GRIA4: variants seen among roughly 807,000 people sequenced by gnomAD.
GRIA4 encodes glutamate receptor 4.
A neutral mutation model predicts 104.0 loss-of-function variants in GRIA4; 34 were observed. That is an observed-to-expected ratio of 0.33 (90% CI 0.25 to 0.44). The LOEUF (loss-of-function observed/expected upper bound fraction) is 0.44, where lower values mean the gene tolerates loss of function less well. GRIA4 is among the 20% of genes least tolerant of loss of function. GRIA4 has a pLI of 1.00. For missense variants in GRIA4, 750 were observed against 1,096.5 expected (o/e 0.68, Z 4.46); for synonymous variants, 386 against 381.9 (o/e 1.01, Z -0.13).
intron 4 of GRIA4, among the ~76,000 whole-genome samples, chr11:105,755,936 C>T (rs1235134020): frequency 6.6e-6 from 1 of 152,142 alleles, no homozygotes; most frequent in Non-Finnish European, 1.5e-5. Context: ...GACGTCATTG[C>T]CTCCTCTGGT....
chr11:105,855,362 A>G (rs1944972477), intron 4 of GRIA4, among the ~76,000 whole-genome samples: 1 of 152,150 alleles, frequency 6.6e-6, no homozygotes, highest in Non-Finnish European at 1.5e-5. Flanking sequence ...TTAACTCACA[A>G]ACATATATTT....
At chr11:105,817,705 C>T (rs1377875879) in intron 4 of GRIA4, among the ~76,000 whole-genome samples, 2 of 151,976 alleles carry the variant, frequency 1.3e-5, no homozygotes, top group Non-Finnish European at 2.9e-5. Flanking sequence ...GAATACATTA[C>T]AGAATATCGT....
At chr11:105,799,677 G>A (rs1428475150) in intron 4 of GRIA4, among the ~76,000 whole-genome samples, 1 of 152,006 alleles carries the variant, frequency 6.6e-6, no homozygotes, top group East Asian at 1.9e-4. Context: ...ATAGTGGTAG[G>A]AATTTTTAGA....
intron 14 of GRIA4, 97 bp downstream of exon 14, chr11:105,934,066 G>T: frequency 7.0e-6 from 7 of 1,003,088 alleles, no homozygotes; most frequent in South Asian, 1.8e-5. Context: ...GTGTGAACAT[G>T]GTATGTTTGT....
intron 3 of GRIA4, among the ~76,000 whole-genome samples, chr11:105,685,412 C>T (rs1174193887): frequency 1.3e-5 from 2 of 152,166 alleles, no homozygotes; most frequent in Non-Finnish European, 2.9e-5. Context: ...GAAATCACTG[C>T]CAAACTGGCT....
At chr11:105,866,545 GTGTGTGTATATATATATATATATA>G (rs1443145350) in intron 5 of GRIA4, among the ~76,000 whole-genome samples, 2 of 71,216 alleles carry the variant, frequency 2.8e-5, no homozygotes, top group South Asian at 4.1e-4. Flanking sequence ...ATGTGTGTGT[GTGTGTGTATATATATATATATATA>G]TATATATATA....
At chr11:105,663,009 G>T (rs1172926135) in intron 3 of GRIA4, among the ~76,000 whole-genome samples, 1 of 151,754 alleles carries the variant, frequency 6.6e-6, no homozygotes, top group Non-Finnish European at 1.5e-5. Context: ...GAACAGTCTT[G>T]CCAAAAAATA....
intron 3 of GRIA4, among the ~76,000 whole-genome samples, chr11:105,737,850 CTT>C (rs1257449329): frequency 6.6e-6 from 1 of 152,078 alleles, no homozygotes; most frequent in Non-Finnish European, 1.5e-5. Flanking sequence ...GATGTATAAA[CTT>C]ATATGAGTTG....
intron 3 of GRIA4, among the ~76,000 whole-genome samples, chr11:105,720,915 T>C (rs1171579745): frequency 1.3e-5 from 2 of 152,174 alleles, no homozygotes; most frequent in African/African-American, 4.8e-5. Flanking sequence ...AGCTATTCAA[T>C]ACCCCATGGC....
chr11:105,662,228 A>G (rs1332209325), intron 3 of GRIA4, among the ~76,000 whole-genome samples: 1 of 151,894 alleles, frequency 6.6e-6, no homozygotes, highest in South Asian at 2.1e-4. Flanking sequence ...CCTTCTAAAA[A>G]TATTCATTTT....
chr11:105,738,469 A>T (rs1332751088), intron 3 of GRIA4, among the ~76,000 whole-genome samples: 2 of 152,182 alleles, frequency 1.3e-5, no homozygotes, highest in Admixed American at 6.6e-5. Context: ...TGGTAAACAC[A>T]TACATTAAAC....
At chr11:105,897,737 C>T (rs1453409065) in intron 6 of GRIA4, among the ~76,000 whole-genome samples, 5 of 152,086 alleles carry the variant, frequency 3.3e-5, no homozygotes, top group Middle Eastern at 3.2e-3. Context: ...GTTAAACCAT[C>T]CTTGCATCCC....
chr11:105,971,840 G>A (rs1175563212), intron 14 of GRIA4, 74 bp from the exon 15 acceptor site: 18 of 951,480 alleles, frequency 1.9e-5, no homozygotes, highest in Non-Finnish European at 2.6e-5. Flanking sequence ...TTTGCCATGC[G>A]ATTCTAATGT....
At chr11:105,933,322 C>T (rs994768832) in intron 13 of GRIA4, among the ~76,000 whole-genome samples, 1 of 151,980 alleles carries the variant, frequency 6.6e-6, no homozygotes, top group African/African-American at 2.4e-5. Context: ...AGGAATTTTA[C>T]AAACTTGAAA....
intron 11 of GRIA4, among the ~76,000 whole-genome samples, chr11:105,923,121 G>C (rs1302268848): frequency 6.6e-6 from 1 of 152,126 alleles, no homozygotes; most frequent in Non-Finnish European, 1.5e-5. Context: ...GGAGCCTGAG[G>C]ATAGGTAGGA....
At chr11:105,871,709 A>G (rs1945622901) in intron 5 of GRIA4, among the ~76,000 whole-genome samples, 1 of 152,012 alleles carries the variant, frequency 6.6e-6, no homozygotes, top group Non-Finnish European at 1.5e-5. Flanking sequence ...AAATAAAAGC[A>G]AAGAGAATGA....
At chr11:105,785,270 C>T (rs1941908710) in intron 4 of GRIA4, among the ~76,000 whole-genome samples, 2 of 151,992 alleles carry the variant, frequency 1.3e-5, no homozygotes. Context: ...GAGGTACAAT[C>T]CATCAATACC....
intron 3 of GRIA4, among the ~76,000 whole-genome samples, chr11:105,721,981 G>T (rs1474385548): frequency 6.6e-6 from 1 of 152,086 alleles, no homozygotes; most frequent in Non-Finnish European, 1.5e-5. Flanking sequence ...AATTATAAAA[G>T]AATATATATA....
chr11:105,874,216 C>T (rs1374106639), intron 5 of GRIA4, among the ~76,000 whole-genome samples: 1 of 152,114 alleles, frequency 6.6e-6, no homozygotes, highest in Non-Finnish European at 1.5e-5. Context: ...TGTCAAAGAT[C>T]AGATGGTTGT....
Sources: gnomAD v4.1 joint callset for allele counts (sites outside exome capture counted in the v4.1 genomes callset) on GRCh38, gnomAD v4.1.1 for gene constraint, MANE v1.5 for transcripts, NCBI Gene and HGNC (gene_info 2026-07-23, HGNC 2026-07-21) for gene names.